The following SHANK1 variants were observed in gnomAD, a reference collection of about 807,000 sequenced individuals.
SHANK1 encodes SH3 and multiple ankyrin repeat domains 1, also known as SH3 and multiple ankyrin repeat domains protein 1.
Under a neutral mutation model 165.6 loss-of-function variants are expected in SHANK1, and 35 were observed. The ratio of observed to expected loss-of-function variants is 0.21; its 90% CI spans 0.16 to 0.28. The LOEUF (loss-of-function observed/expected upper bound fraction) is 0.28. SHANK1 is among the 10% of genes least tolerant of loss of function. The probability of loss-of-function intolerance (pLI) is 1.00; values close to 1 mark genes in which losing one functional copy is unlikely to be tolerated. For missense variants in SHANK1, 2,681 were observed against 3,036.4 expected, an observed-to-expected ratio of 0.88 and a Z score of 2.75; for synonymous variants, 1,428 against 1,384.8, an observed-to-expected ratio of 1.03 and a Z score of -0.69.
chr19:50,702,617 C>A lies in SHANK1; in HGVS notation c.1597G>T (p.Gly533Cys), dbSNP rs1352988061. 4 of 1,586,552 alleles carry A rather than the reference C, an allele frequency of 2.5e-6. No individual in the cohort carries two copies. The highest frequency in any genetic ancestry group is 2.3e-5 in the East Asian group (1 of 43,564). ...AGGGAGCCCCCGGGGCCCCCTGAGC[C>A]CCCCGTGCCCCCGGCTGGCCCTTCC... ...PREGPAGGTG[G>C]SGGPGGSLGS... Residue 533 changes from glycine to cysteine, a missense_variant, in exon 12 of 24, where the codon GGC becomes TGC. Physicochemically the swap from Gly to Cys is radical, Grantham distance 159. Transcript: ENST00000293441. This position sits in a 1 kb window ranked among gnomAD's most constrained non-coding sequence, Gnocchi z 5.3.
chr19:50,704,215 C>T lies in SHANK1; in HGVS notation c.1156-29G>A. On this transcript the variant is annotated intron_variant, in intron 9 of 23. Coordinates refer to ENST00000293441, the MANE Select transcript of SHANK1 (RefSeq NM_016148.5). ...GAGGGAGGGGGTAGAGGCAGGTCGG[C>T]CAGGGGGGCCCAGGCAGCAGAGAGA... 3 of 1,605,668 alleles carry T rather than the reference C, an allele frequency of 1.9e-6. No homozygotes were observed. In the South Asian group the frequency reaches 3.3e-5, roughly 18 times the overall value.
intron 22 of SHANK1, 23 bp from the exon 23 acceptor site, chr19:50,669,308 G>A (rs1407216393): frequency 3.8e-6 from 6 of 1,558,782 alleles, no homozygotes; most frequent in Non-Finnish European, 5.3e-6. Context: ...AGAGGCTCAA[G>A]GAGGGGGACC....
rs1396804211 is a variant in SHANK1, at chr19:50,689,237, C to T, written c.2007G>A (p.Lys669=). 6.2e-7 allele frequency: 1 copy of T among 1,612,120 alleles called. No homozygotes were observed. The highest frequency in any genetic ancestry group is 1.3e-5 in the African/African-American group (1 of 74,758). ...IKEKTVLLQK[K]DSEGFGFVLR... ...GCACGAACCCAAACCCCTCACTGTC[C>T]TTCTTCTGCAGCAAGACTGTCTTCT... is the stretch of plus-strand genomic sequence containing the variant. The change falls in exon 16 of 24, where the codon AAG becomes AAA. Residue 669 remains lysine (K), a synonymous_variant. Transcript: ENST00000293441.
At position 50,702,374 on chromosome 19, in the gene SHANK1, A is replaced by G; in HGVS notation, c.1747+93T>C. On this transcript the variant is annotated intron_variant, in intron 12 of 23. Transcript: ENST00000293441. The surrounding 1 kb of genome is among the most constrained non-coding windows in gnomAD (Gnocchi z 5.3). ...GTCTCCAGAGTGCATGAGATACTCC[A>G]GGTGCCCGAGAATGGTCTGCTCTCT... 1 of 1,131,884 alleles carries G rather than the reference A, an allele frequency of 8.8e-7. No homozygotes were observed. The highest frequency in any genetic ancestry group is 2.5e-5 in the East Asian group (1 of 39,348). The allele number at this position is 1,131,884 out of a possible 1,614,324, so 70.1% of individuals were successfully genotyped here. A position where few individuals can be genotyped will look rare whatever the true frequency, so the allele number is the denominator to read the frequency against.
At position 50,666,630 on chromosome 19, in the gene SHANK1, C is replaced by T. The variant is rs752665111; in HGVS notation, c.5330G>A (p.Arg1777Gln). Reference protein sequence around the residue: ...GLRPGPSGGLRDPVTPTSPTV... With the variant: ...GLRPGPSGGLQDPVTPTSPTV... ...GGGGCTGGTGGGGGTAACAGGGTCT[C>T]GGAGTCCCCCGCTGGGGCCAGGCCG... The change falls in exon 23 of 24, where the codon CGA (arginine) becomes CAA (glutamine). Residue 1777 changes from arginine to glutamine, a missense_variant. Around this residue, in one of 10 missense-constraint regions of SHANK1, gnomAD observed 1,713 missense variants for 1,630.2 expected, o/e 1.05. Transcript: ENST00000293441. 8 of 1,597,248 alleles carry T rather than the reference C, an allele frequency of 5.0e-6. No homozygotes were observed. Among genetic ancestry groups the T allele is most frequent in the Admixed American group, 1.7e-5 (1 of 58,034 alleles).
At position 50,668,669 on chromosome 19, in the gene SHANK1, G is replaced by A; in HGVS notation, c.3291C>T (p.Tyr1097=). The stretch of plus-strand genomic sequence containing the variant: ...GGCCGCGGCCCGAGCGGGCGGGCAC[G>A]TACATGGCTGCGCTGGCCGCCCGCG... ...LPPRAASAAM[Y]VPARSGRGRK... is the part of the protein sequence containing the mutation. The change falls in exon 23 of 24, where the codon TAC becomes TAT. Residue 1097 remains tyrosine, a synonymous_variant. Transcript: ENST00000293441. 5 of 1,348,088 alleles carry A rather than the reference G, an allele frequency of 3.7e-6. No individual in the cohort carries two copies. The highest frequency in any genetic ancestry group is 3.8e-6 in the Non-Finnish European group (4 of 1,052,550). 83.5% of individuals were successfully genotyped at this position (1,348,088 alleles called of 1,614,324 possible).
rs116171766 is a variant in SHANK1, at chr19:50,692,751, T to C, written c.1965-3472A>G. The stretch of plus-strand genomic sequence containing the variant: ...CCAACTCCTGTGTACCCCTCCTCTC[T>C]GCACCTCACTCCCTACTCCTCCATG... On this transcript the variant is annotated intron_variant, in intron 15 of 23. Coordinates refer to ENST00000293441, the MANE Select transcript of SHANK1 (RefSeq NM_016148.5). Among the ~76,000 whole-genome samples the C allele has an allele frequency of 6.8e-3, 1,037 of 151,578 alleles. 14 individuals carry two copies. Among genetic ancestry groups the C allele is most frequent in the African/African-American group, 0.022 (918 of 41,174 alleles).
chr19:50,681,885 C>G (rs1340528322), intron 21 of SHANK1, among the ~76,000 whole-genome samples: 1 of 152,086 alleles, frequency 6.6e-6, no homozygotes, highest in African/African-American at 2.4e-5. Flanking sequence ...GATCCTCCCA[C>G]CTCGGCACAC....
intron 15 of SHANK1, among the ~76,000 whole-genome samples, chr19:50,692,891 A>AC (rs1228093528): frequency 2.3e-5 from 2 of 86,186 alleles, no homozygotes; most frequent in South Asian, 4.4e-4. Context: ...GACACACCCT[A>AC]CCCCCCTTTC....
chr19:50,683,604 C>T lies in SHANK1; in HGVS notation c.2577+2633G>A, dbSNP rs79671421. ...CACCATGCTTGGGGGACCTTTTAAA[C>T]GCTGATATCACCACTAAAAGGCCCA... is the stretch of plus-strand genomic sequence containing the variant. On this transcript the variant is annotated intron_variant, in intron 21 of 23. Transcript: ENST00000293441. Among the ~76,000 whole-genome samples the T allele has an allele frequency of 3.1e-3, 467 of 152,162 alleles. 1 individual carries two copies. Among genetic ancestry groups the T allele is most frequent in the African/African-American group, 0.011 (450 of 41,510 alleles).
chr19:50,689,269 T>C lies in SHANK1; in HGVS notation c.1975A>G (p.Ile659Val), dbSNP rs745980514. 6.2e-7 allele frequency: 1 copy of C among 1,607,570 alleles called. No homozygotes were observed. The highest frequency in any genetic ancestry group is 8.5e-7 in the Non-Finnish European group (1 of 1,177,406). Residue 659 changes from isoleucine (I) to valine (V), a missense_variant, in exon 16 of 24, where the codon ATT becomes GTT. Around this residue, in one of 10 missense-constraint regions of SHANK1, gnomAD observed 147 missense variants for 256.5 expected, o/e 0.57. Coordinates refer to ENST00000293441, the MANE Select transcript of SHANK1 (RefSeq NM_016148.5). The part of the protein sequence containing the change: ...DGIGPGSDYI[I>V]KEKTVLLQKK... ...TGCAGCAAGACTGTCTTCTCCTTAA[T>C]GATGTAATCGCTGGCAGGGAGGCAG...
chr19:50,661,746 C>T lies in SHANK1; in HGVS notation c.*219G>A, dbSNP rs1434677147. 1 of 583,930 alleles carries T rather than the reference C, an allele frequency of 1.7e-6. No homozygotes were observed. Among genetic ancestry groups the T allele is most frequent in the East Asian group, 2.9e-5 (1 of 34,858 alleles). 36.2% of individuals were successfully genotyped at this position (583,930 alleles called of 1,614,324 possible). ...CCCCCTCCGCTCCCCGCTTCACACACACACACACACTCTTGTGTCAGCTGC... is the reference window on the plus strand; with the variant it reads ...CCCCCTCCGCTCCCCGCTTCACACATACACACACACTCTTGTGTCAGCTGC... On this transcript the variant is annotated 3_prime_UTR_variant, in exon 24 of 24. Transcript: ENST00000293441.
chr19:50,686,637 TG>T lies in SHANK1; in HGVS notation c.2458+106del. 9.2e-7 allele frequency: 1 copy of T among 1,085,656 alleles called. No homozygotes were observed. Among genetic ancestry groups the T allele is most frequent in the Non-Finnish European group, 1.4e-6 (1 of 739,538 alleles). 67.3% of individuals were successfully genotyped at this position (1,085,656 alleles called of 1,614,324 possible). A position where few individuals can be genotyped will look rare whatever the true frequency, so the allele number is the denominator to read the frequency against. On this transcript the variant is annotated intron_variant, in intron 20 of 23. Coordinates refer to ENST00000293441, the MANE Select transcript of SHANK1 (RefSeq NM_016148.5). The surrounding 1 kb of genome is among the most constrained non-coding windows in gnomAD (Gnocchi z 5.7). ...AGGGGAGGTGGGATCGCAGCCTCTC[TG>T]GGGCAGGAAGGTGAGGGGCGCCGTG...
Position 50,697,762 on chromosome 19 carries a change from A to G in SHANK1, c.1861+81T>C. The G allele has an allele frequency of 6.6e-7, 1 of 1,509,954 alleles. No homozygotes were observed. Among genetic ancestry groups the G allele is most frequent in the South Asian group, 1.1e-5 (1 of 88,756 alleles). The allele number at this position is 1,509,954 out of a possible 1,614,324, so 93.5% of individuals were successfully genotyped here. A position where few individuals can be genotyped will look rare whatever the true frequency, so the allele number is the denominator to read the frequency against. ...CAAGTCTTCCCATCTACCTCCCAGT[A>G]CCCCACCCCCATTAGGAAGGGAAAG... On this transcript the variant is annotated intron_variant, in intron 13 of 23. Transcript: ENST00000293441. This position sits in a 1 kb window ranked among gnomAD's most constrained non-coding sequence, Gnocchi z 4.7.
At chr19:50,711,638 T>C in intron 7 of SHANK1, 151 bp from the exon 8 acceptor site, 1 of 691,642 alleles carries the variant, frequency 1.4e-6, no homozygotes, top group Non-Finnish European at 2.4e-6. Flanking sequence ...CTTCCTGCTC[T>C]GGGACCCAGG....
Position 50,666,524 on chromosome 19 carries a change from C to T in SHANK1, c.5436G>A (p.Ala1812=), listed in dbSNP as rs1389482060. The change falls in exon 23 of 24, where the codon GCG becomes GCA. Residue 1812 remains alanine (A), a synonymous_variant. Transcript: ENST00000293441. ...CTGGCTCTACAGCCACCGGACCCCC[C>T]GCCACGCCTGCCGTGGGGGGTCCTG... ...ACSGPPTAGV[A]GGPVAVEPEV... 1.1e-5 allele frequency: 18 copies of T among 1,586,826 alleles called. No individual in the cohort carries two copies. Among genetic ancestry groups the T allele is most frequent in the Non-Finnish European group, 1.5e-5 (18 of 1,169,772 alleles).
intron 19 of SHANK1, 125 bp downstream of exon 19, chr19:50,687,457 G>A: frequency 1.4e-6 from 1 of 707,290 alleles, no homozygotes; most frequent in South Asian, 1.9e-5. Context: ...TCCGACCCAT[G>A]GACTGGGGAC....
rs567833683 is a variant in SHANK1, at chr19:50,660,397, G to A, written c.*1568C>T. Among the ~76,000 whole-genome samples, 4 of 152,144 alleles carry A rather than the reference G, an allele frequency of 2.6e-5. No individual in the cohort carries two copies. The highest frequency in any genetic ancestry group is 1.9e-4 in the East Asian group (1 of 5,160). ...GAGGGCTGGAGGCAGGGAGAGGCTCGAGTGTGGAAGCATGGTGAGCAGGAA... is the reference window on the plus strand; with the variant it reads ...GAGGGCTGGAGGCAGGGAGAGGCTCAAGTGTGGAAGCATGGTGAGCAGGAA... On this transcript the variant is annotated 3_prime_UTR_variant, in exon 24 of 24. Coordinates refer to ENST00000293441, the MANE Select transcript of SHANK1 (RefSeq NM_016148.5).
At chr19:50,671,180 C>CTTTTTTTTTT (rs35076465) in intron 22 of SHANK1, among the ~76,000 whole-genome samples, 3 of 76,724 alleles carry the variant, frequency 3.9e-5, no homozygotes, top group Non-Finnish European at 6.8e-5. Context: ...TTTTTTCACT[C>CTTTTTTTTTT]TTTTTTTTTT....
Sources: gnomAD v4.1 joint callset for allele counts (sites outside exome capture counted in the v4.1 genomes callset) on GRCh38, gnomAD v4.1.1 for gene constraint, gnomAD v4.1.1 regional missense constraint, Gnocchi (gnomAD v3.1) non-coding constraint, MANE v1.5 for transcripts, NCBI Gene and HGNC (gene_info 2026-07-23, HGNC 2026-07-21) for gene names.